Variants in BNC2 observed in about 807,000 individuals in gnomAD.
BNC2 encodes zinc finger protein basonuclin-2.
BNC2 carries 20 observed loss-of-function variants against 76.3 expected under a neutral mutation model. The observed-to-expected ratio is 0.26, with a 90% CI of 0.18 to 0.38. BNC2 has a LOEUF of 0.38. Ranked by LOEUF, BNC2 falls within the 10% of genes least tolerant of loss-of-function variation. The probability of loss-of-function intolerance (pLI) is 1.00; values close to 1 mark genes in which losing one functional copy is unlikely to be tolerated. For synonymous variants in BNC2, 582 were observed against 514.8 expected, an observed-to-expected ratio of 1.13 and a Z score of -1.77; for missense variants, 1,382 against 1,399.8, an observed-to-expected ratio of 0.99 and a Z score of 0.20.
At chr9:16,826,741 C>T (rs1386986896) in intron 1 of BNC2, among the ~76,000 whole-genome samples, 1 of 152,130 alleles carries the variant, frequency 6.6e-6, no homozygotes, top group Non-Finnish European at 1.5e-5. Flanking sequence ...TGGACAATAG[C>T]TCTGTGCTGG....
intron 4 of BNC2, among the ~76,000 whole-genome samples, chr9:16,556,698 G>C (rs1429146972): frequency 6.6e-6 from 1 of 151,378 alleles, no homozygotes; most frequent in Non-Finnish European, 1.5e-5. Context: ...AACCTGGGAG[G>C]TGGAGGTTAC....
intron 5 of BNC2, among the ~76,000 whole-genome samples, chr9:16,465,001 G>A (rs376769101): frequency 6.6e-6 from 1 of 152,024 alleles, no homozygotes; most frequent in African/African-American, 2.4e-5. Context: ...TCTAACACAC[G>A]ACTTTTAATC....
chr9:16,669,500 A>T (rs1351336137), intron 3 of BNC2, among the ~76,000 whole-genome samples: 1 of 152,214 alleles, frequency 6.6e-6, no homozygotes, highest in Non-Finnish European at 1.5e-5. Context: ...AATGAGATGC[A>T]CATCTCACTA....
At chr9:16,691,140 C>T (rs926976102) in intron 3 of BNC2, among the ~76,000 whole-genome samples, 2 of 152,138 alleles carry the variant, frequency 1.3e-5, no homozygotes, top group East Asian at 3.9e-4. Context: ...TAATGGACCA[C>T]GAATAATGCT....
chr9:16,741,808 A>G (rs752903668), intron 1 of BNC2, among the ~76,000 whole-genome samples: 5 of 151,782 alleles, frequency 3.3e-5, no homozygotes, highest in South Asian at 4.2e-4. Context: ...AAATACAAAA[A>G]TCAGCCAGGT....
intron 3 of BNC2, among the ~76,000 whole-genome samples, chr9:16,716,742 T>C (rs1391467384): frequency 6.6e-6 from 1 of 152,220 alleles, no homozygotes; most frequent in African/African-American, 2.4e-5. Flanking sequence ...AACTATACTA[T>C]AGTGTTTTTA....
chr9:16,529,984 A>G (rs1307087735), intron 5 of BNC2, among the ~76,000 whole-genome samples: 1 of 152,016 alleles, frequency 6.6e-6, no homozygotes, highest in African/African-American at 2.4e-5. Flanking sequence ...AGTAGCTGGG[A>G]TTACAGGTAC....
At chr9:16,424,617 G>A (rs754201554) in intron 6 of BNC2, among the ~76,000 whole-genome samples, 4 of 152,100 alleles carry the variant, frequency 2.6e-5, no homozygotes, top group Non-Finnish European at 5.9e-5. Flanking sequence ...ATGCCTATTT[G>A]TCTGTATGTA....
At chr9:16,668,089 G>A (rs1822354670) in intron 3 of BNC2, among the ~76,000 whole-genome samples, 5 of 152,200 alleles carry the variant, frequency 3.3e-5, no homozygotes, top group Admixed American at 3.3e-4. Context: ...TGTCCTTCGG[G>A]AAGATCACAT....
At chr9:16,842,052 C>T (rs1818843908) in intron 1 of BNC2, among the ~76,000 whole-genome samples, 1 of 152,184 alleles carries the variant, frequency 6.6e-6, no homozygotes, top group Non-Finnish European at 1.5e-5. Flanking sequence ...TCAGATGATC[C>T]ACCTGCCTCG....
intron 1 of BNC2, among the ~76,000 whole-genome samples, chr9:16,767,519 G>C (rs1269519669): frequency 6.8e-6 from 1 of 147,852 alleles, no homozygotes; most frequent in Non-Finnish European, 1.5e-5. Flanking sequence ...GCTGAGGACA[G>C]AAATGGCTTC....
Position 16,509,742 on chromosome 9 carries a change from G to C in BNC2, c.669+42788C>G, listed in dbSNP as rs1822710648. On this transcript the variant is annotated intron_variant, in intron 5 of 6. Coordinates refer to ENST00000380672, the MANE Select transcript of BNC2 (RefSeq NM_017637.6). ...GAAAATTGTTATCTGGCCAAAGAAA[G>C]CAGTATTACTTGCTATTTTAAAAAG... Among the ~76,000 whole-genome samples, 9 of 152,306 alleles carry C rather than the reference G, an allele frequency of 5.9e-5. No individual in the cohort carries two copies. The South Asian group carries it at 1.7e-3, about 28-fold the overall frequency.
chr9:16,649,972 C>T (rs190362441), intron 3 of BNC2, among the ~76,000 whole-genome samples: 227 of 152,198 alleles, frequency 1.5e-3, no homozygotes, highest in Non-Finnish European at 1.2e-3. Context: ...AAATTCTCAC[C>T]CACAGTTTCC....
intron 5 of BNC2, among the ~76,000 whole-genome samples, chr9:16,447,370 A>C (rs1477806891): frequency 6.6e-6 from 1 of 152,172 alleles, no homozygotes; most frequent in African/African-American, 2.4e-5. Context: ...TGTAAGCCTT[A>C]CTAAAAACTC....
intron 1 of BNC2, among the ~76,000 whole-genome samples, chr9:16,804,965 G>A (rs1817869289): frequency 6.6e-6 from 1 of 152,074 alleles, no homozygotes; most frequent in Admixed American, 6.5e-5. Flanking sequence ...GGGAGGCTGA[G>A]GTGGGAGAAT....
rs764165780 is a variant in BNC2, at chr9:16,639,681, C to T, written c.331-56596G>A. Reference sequence around the variant, plus strand: ...CCTGTAATCCCAGTGCTTTGAGAGGCTGAGGCAGGAAGACCGCTTGAGCCC... The same window carrying T: ...CCTGTAATCCCAGTGCTTTGAGAGGTTGAGGCAGGAAGACCGCTTGAGCCC... On this transcript the variant is annotated intron_variant, in intron 3 of 6. Coordinates refer to ENST00000380672, the MANE Select transcript of BNC2 (RefSeq NM_017637.6). 4.6e-5 allele frequency among the ~76,000 whole-genome samples: 7 copies of T among 152,080 alleles called. No individual in the cohort carries two copies. The South Asian group carries it at 8.3e-4, about 18-fold the overall frequency.
chr9:16,861,895 A>G (rs530658300), intron 1 of BNC2, among the ~76,000 whole-genome samples: 2 of 152,192 alleles, frequency 1.3e-5, no homozygotes, highest in East Asian at 3.9e-4. Flanking sequence ...AGGCTGAGGC[A>G]GGAGAATGGC....
intron 5 of BNC2, among the ~76,000 whole-genome samples, chr9:16,502,493 G>A (rs986186142): frequency 6.6e-6 from 1 of 151,930 alleles, no homozygotes; most frequent in Non-Finnish European, 1.5e-5. Flanking sequence ...AATGGTTTTG[G>A]GATACCCTTG....
intron 1 of BNC2, among the ~76,000 whole-genome samples, chr9:16,807,157 T>C (rs1817936055): frequency 6.6e-6 from 1 of 152,242 alleles, no homozygotes; most frequent in South Asian, 2.1e-4. Context: ...AGTATCCTTC[T>C]TGTTTGAAAC....
Sources: gnomAD v4.1 joint callset for allele counts (sites outside exome capture counted in the v4.1 genomes callset) on GRCh38, gnomAD v4.1.1 for gene constraint, MANE v1.5 for transcripts, NCBI Gene and HGNC (gene_info 2026-07-23, HGNC 2026-07-21) for gene names.